The following TSG101 variants were observed in gnomAD, a reference collection of about 807,000 sequenced individuals.
TSG101 encodes tumor susceptibility gene 101 protein.
Under a neutral mutation model 48.5 loss-of-function variants are expected in TSG101, and 19 were observed. The ratio of observed to expected loss-of-function variants is 0.39; its 90% CI spans 0.27 to 0.58. The LOEUF (loss-of-function observed/expected upper bound fraction) is 0.58. Among genes scored for constraint, TSG101 ranks in the 20% least tolerant of loss-of-function variants. TSG101 has a pLI of 0.55. For synonymous variants in TSG101, 174 were observed against 169.4 expected, an observed-to-expected ratio of 1.03 and a Z score of -0.21; for missense variants, 365 against 484.4, an observed-to-expected ratio of 0.75 and a Z score of 2.31.
At chr11:18,512,623 TAG>T (rs893290100) in intron 4 of TSG101, among the ~76,000 whole-genome samples, 19 of 152,080 alleles carry the variant, frequency 1.2e-4, no homozygotes, top group African/African-American at 3.9e-4. Flanking sequence ...TGAAAAATTA[TAG>T]AGAGTCTATA....
At chr11:18,513,832 TAGA>T (rs778639673) in intron 4 of TSG101, among the ~76,000 whole-genome samples, 1 of 152,098 alleles carries the variant, frequency 6.6e-6, no homozygotes, top group Non-Finnish European at 1.5e-5. Context: ...CCCAGCACTT[TAGA>T]AGGCCGAGAT....
At chr11:18,498,069 T>C (rs1429205972) in intron 7 of TSG101, among the ~76,000 whole-genome samples, 2 of 136,502 alleles carry the variant, frequency 1.5e-5, no homozygotes, top group East Asian at 4.6e-4. Context: ...ATGTTGAGTG[T>C]GTGGGTGGGG....
At chr11:18,508,516 A>G (rs934142495) in intron 5 of TSG101, 2 of 152,062 alleles carry the variant, frequency 1.3e-5, no homozygotes, top group Admixed American at 6.6e-5. Flanking sequence ...AAACTTAAGC[A>G]AGATACTCTA....
intron 7 of TSG101, among the ~76,000 whole-genome samples, chr11:18,485,522 G>C (rs1344366386): frequency 6.6e-6 from 1 of 152,132 alleles, no homozygotes; most frequent in Non-Finnish European, 1.5e-5. Context: ...GCCTCAGATG[G>C]TTAGAAGTCC....
chr11:18,514,699 A>C lies in TSG101; in HGVS notation c.336T>G (p.Pro112=), dbSNP rs759357018. 2 of 1,581,556 alleles carry C rather than the reference A, an allele frequency of 1.3e-6. No individual in the cohort carries two copies. The highest frequency in any genetic ancestry group is 1.7e-6 in the Non-Finnish European group (2 of 1,170,726). The change falls in exon 4 of 10, where the codon CCT becomes CCG. Residue 112 remains proline, a synonymous_variant. Coordinates refer to ENST00000251968, the MANE Select transcript of TSG101 (RefSeq NM_006292.4). ...HVDANGKIYL[P]YLHEWKHPQS... is the part of the protein sequence containing the mutation. Reference sequence around the variant, plus strand: ...TTACGTGTTTCCATTCATGTAGATAAGGAAGATATATCTTCCCATTTGCAT... The same window carrying C: ...TTACGTGTTTCCATTCATGTAGATACGGAAGATATATCTTCCCATTTGCAT...
chr11:18,480,593 G>A lies in TSG101; in HGVS notation c.1126C>T (p.Leu376=), dbSNP rs974501961. 1.2e-6 allele frequency: 2 copies of A among 1,613,846 alleles called. No homozygotes were observed. Among genetic ancestry groups the A allele is most frequent in the Non-Finnish European group, 1.7e-6 (2 of 1,179,954 alleles). Residue 376 remains leucine, a synonymous_variant, in exon 10 of 10, where the codon CTA becomes TTA. Transcript: ENST00000251968. ...LSRKQFQLRA[L]MQKARKTAGL... ...GCAGTCTTTCTTGCTTTTTGCATTA[G>A]TGCCCTCAGCTGGAACTGTTTACGG...
rs528063749 is a variant in TSG101 at position 18,494,513 on chromosome 11, CATT to C, written c.640+7970_640+7972del. ...CTTTTTTAAAAGCTTTCAAATCTAT[CATT>C]ATTGCTTTGAATTTCTGTTATCATT... On this transcript the variant is annotated intron_variant, in intron 7 of 9. Transcript: ENST00000251968. Among the ~76,000 whole-genome samples, 630 of 152,288 alleles carry C rather than the reference CATT, an allele frequency of 4.1e-3. 4 individuals are homozygous for C. Among genetic ancestry groups the C allele is most frequent in the Non-Finnish European group, 4.9e-3 (333 of 68,022 alleles).
chr11:18,512,750 GTCTC>G (rs1423044893), intron 4 of TSG101, among the ~76,000 whole-genome samples: 2 of 121,430 alleles, frequency 1.6e-5, no homozygotes, highest in Non-Finnish European at 3.4e-5. Flanking sequence ...TTTTGAGACA[GTCTC>G]TCTCACTCTG....
intron 6 of TSG101, among the ~76,000 whole-genome samples, chr11:18,502,784 C>G (rs1849909944): frequency 6.6e-6 from 1 of 152,216 alleles, no homozygotes; most frequent in African/African-American, 2.4e-5. Context: ...TGGCTAAATG[C>G]TCTTGCTTGG....
chr11:18,496,320 T>TA (rs1849776783), intron 7 of TSG101, among the ~76,000 whole-genome samples: 1 of 151,372 alleles, frequency 6.6e-6, no homozygotes, highest in African/African-American at 2.4e-5. Context: ...CACATGCCTA[T>TA]AGTCTCAGCT....
Position 18,499,280 on chromosome 11 carries a change from T to C in TSG101, c.640+3206A>G, listed in dbSNP as rs189156054. Among the ~76,000 whole-genome samples the C allele has an allele frequency of 7.1e-3, 915 of 128,702 alleles. 12 individuals are homozygous for C. The highest frequency in any genetic ancestry group is 0.025 in the African/African-American group (873 of 35,410). The allele number at this position is 128,702 out of a possible 152,430, so 84.4% of individuals were successfully genotyped here. Reference sequence around the variant, plus strand: ...TATATATATTTTATATATATTTATATATATCATATATATTTATATTTATAT... The same window carrying C: ...TATATATATTTTATATATATTTATACATATCATATATATTTATATTTATAT... On this transcript the variant is annotated intron_variant, in intron 7 of 9. Transcript: ENST00000251968.
rs1302964117 is a variant in TSG101 at position 18,480,514 on chromosome 11, A to AAG, written c.*30_*31dup. The AAG allele has an allele frequency of 6.4e-7, 1 of 1,573,812 alleles. No homozygotes were observed. Among genetic ancestry groups the AAG allele is most frequent in the Non-Finnish European group, 8.7e-7 (1 of 1,146,572 alleles). ...AAAAGGAAGAGAAGAATACTTTAAG[A>AAG]AGAGCTCAACCTCCAGCTGGTATCA... On this transcript the variant is annotated 3_prime_UTR_variant, in exon 10 of 10. Coordinates refer to ENST00000251968, the MANE Select transcript of TSG101 (RefSeq NM_006292.4).
chr11:18,511,118 A>G (rs1009354872), intron 4 of TSG101: 21 of 152,268 alleles, frequency 1.4e-4, no homozygotes, highest in African/African-American at 5.1e-4. Flanking sequence ...GAATTACTCA[A>G]TCACCTTGAT....
chr11:18,489,926 A>AT (rs1849674259), intron 7 of TSG101, among the ~76,000 whole-genome samples: 1 of 152,168 alleles, frequency 6.6e-6, no homozygotes, highest in Non-Finnish European at 1.5e-5. Context: ...ATTCAGGTCT[A>AT]TTTTTTCTAC....
chr11:18,491,883 C>T (rs1395268353), intron 7 of TSG101, among the ~76,000 whole-genome samples: 1 of 152,230 alleles, frequency 6.6e-6, no homozygotes, highest in Admixed American at 6.5e-5. Flanking sequence ...ACTGAACATA[C>T]AGATTAAAAT....
At chr11:18,487,911 A>T (rs2133905330) in intron 7 of TSG101, among the ~76,000 whole-genome samples, 1 of 152,224 alleles carries the variant, frequency 6.6e-6, no homozygotes, top group Middle Eastern at 3.4e-3. Context: ...TTAACTGATA[A>T]AATTTTTATT....
chr11:18,502,492 T>C lies in TSG101; in HGVS notation c.634A>G (p.Thr212Ala), dbSNP rs1849903947. 2 of 1,612,618 alleles carry C rather than the reference T, an allele frequency of 1.2e-6. No homozygotes were observed. The highest frequency in any genetic ancestry group is 1.7e-6 in the Non-Finnish European group (2 of 1,179,220). Residue 212 changes from threonine (T) to alanine (A), a missense_variant, in exon 7 of 10, where the codon ACT becomes GCT. Transcript: ENST00000251968. ...AGTTTTCAAGGGTACTTACCAACAGTGGTCACAGGAGGCTGAGAAGGGTAC... is the reference window on the plus strand; with the variant it reads ...AGTTTTCAAGGGTACTTACCAACAGCGGTCACAGGAGGCTGAGAAGGGTAC... Reference protein sequence around the residue: ...SQYPSQPPVTTVGPSRDGTIS... With the variant: ...SQYPSQPPVTAVGPSRDGTIS...
At chr11:18,521,929 C>T (rs901973373) in intron 1 of TSG101, among the ~76,000 whole-genome samples, 5 of 152,144 alleles carry the variant, frequency 3.3e-5, no homozygotes, top group Non-Finnish European at 2.9e-5. Flanking sequence ...CTGTCCACCT[C>T]AGCCTCCCAC....
chr11:18,518,163 C>A (rs1565094941), intron 2 of TSG101, among the ~76,000 whole-genome samples: 1 of 152,082 alleles, frequency 6.6e-6, no homozygotes, highest in Non-Finnish European at 1.5e-5. Context: ...TACCATTGTA[C>A]ATATAGTATG....
Sources: allele counts gnomAD v4.1 joint callset (sites outside exome capture counted in the v4.1 genomes callset), GRCh38; gene constraint gnomAD v4.1.1; transcripts MANE v1.5; gene names NCBI Gene and HGNC (gene_info 2026-07-23, HGNC 2026-07-21).